Variants in CHCHD6 observed in about 807,000 individuals in gnomAD.
CHCHD6 encodes coiled-coil-helix-coiled-coil-helix domain containing 6, also known as MICOS complex subunit MIC25.
CHCHD6 carries 28 observed loss-of-function variants against 32.3 expected under a neutral mutation model. The ratio of observed to expected loss-of-function variants is 0.87; its 90% confidence interval spans 0.64 to 1.19. The LOEUF is 1.19. Among genes scored for constraint, CHCHD6 ranks in the 50% most tolerant of loss-of-function variants. The pLI is 0.00. For missense variants in CHCHD6, 333 were observed against 307.0 expected (o/e 1.08, Z -0.63); for synonymous variants, 122 against 117.5 (o/e 1.04, Z -0.25).
chr3:126,937,205 G>A (rs1460395178), intron 6 of CHCHD6, among the ~76,000 whole-genome samples: 1 of 152,346 alleles, frequency 6.6e-6, no homozygotes, highest in East Asian at 1.9e-4. Context: ...AAGTGTTCTG[G>A]CTCGAGTCCA....
chr3:126,880,366 A>G (rs978444731), intron 5 of CHCHD6, among the ~76,000 whole-genome samples: 1 of 152,146 alleles, frequency 6.6e-6, no homozygotes, highest in Non-Finnish European at 1.5e-5. Context: ...GAGAAAGACC[A>G]TAGCCAGGCC....
chr3:126,925,776 A>G (rs1308501121), intron 6 of CHCHD6, among the ~76,000 whole-genome samples: 1 of 152,214 alleles, frequency 6.6e-6, no homozygotes, highest in East Asian at 1.9e-4. Context: ...ACCGGGGGCC[A>G]CCATCCACAG....
At chr3:126,710,881 TAAAG>T (rs1934719341) in intron 1 of CHCHD6, among the ~76,000 whole-genome samples, 1 of 151,996 alleles carries the variant, frequency 6.6e-6, no homozygotes, top group East Asian at 1.9e-4. Context: ...TGTTTACAAA[TAAAG>T]ACTGACTTCT....
chr3:126,840,680 A>C (rs973418366), intron 4 of CHCHD6, among the ~76,000 whole-genome samples: 2 of 152,162 alleles, frequency 1.3e-5, no homozygotes, highest in African/African-American at 4.8e-5. Flanking sequence ...TTAAATATTT[A>C]ATAACACTTT....
At chr3:126,764,892 C>CTTCTCCCCTGGACT (rs1489050462) in intron 4 of CHCHD6, among the ~76,000 whole-genome samples, 6 of 152,178 alleles carry the variant, frequency 3.9e-5, no homozygotes, top group Non-Finnish European at 8.8e-5. Flanking sequence ...ACTGATTGAA[C>CTTCTCCCCTGGACT]ACAGAACACG....
chr3:126,908,508 T>A (rs1036556382), intron 5 of CHCHD6, among the ~76,000 whole-genome samples: 2 of 152,242 alleles, frequency 1.3e-5, no homozygotes, highest in Non-Finnish European at 2.9e-5. Flanking sequence ...TCGGATTTTC[T>A]GTAGTGGTTC....
chr3:126,849,075 G>T (rs1941385071), intron 4 of CHCHD6, among the ~76,000 whole-genome samples: 1 of 152,210 alleles, frequency 6.6e-6, no homozygotes, highest in African/African-American at 2.4e-5. Context: ...TGTGGTCCAG[G>T]GGCGGGATCT....
At chr3:126,938,599 A>G (rs2078516152) in intron 6 of CHCHD6, among the ~76,000 whole-genome samples, 1 of 152,208 alleles carries the variant, frequency 6.6e-6, no homozygotes, top group Admixed American at 6.5e-5. Flanking sequence ...ACTGGTGCCA[A>G]TAAGGTTTTA....
intron 6 of CHCHD6, among the ~76,000 whole-genome samples, chr3:126,953,494 T>A (rs2078744320): frequency 6.6e-6 from 1 of 152,168 alleles, no homozygotes; most frequent in South Asian, 2.1e-4. Flanking sequence ...ACCCAGCCTT[T>A]CTGCAAGCTC....
intron 4 of CHCHD6, among the ~76,000 whole-genome samples, chr3:126,820,795 C>T (rs1270774010): frequency 6.6e-6 from 1 of 152,152 alleles, no homozygotes; most frequent in Admixed American, 6.5e-5. Flanking sequence ...TAATGTACTC[C>T]ACATTCCTAC....
chr3:126,924,449 C>T (rs200149388), intron 6 of CHCHD6, among the ~76,000 whole-genome samples: 1 of 152,164 alleles, frequency 6.6e-6, no homozygotes, highest in Non-Finnish European at 1.5e-5. Flanking sequence ...TAAAAATTAA[C>T]AAGACTACAA....
intron 4 of CHCHD6, among the ~76,000 whole-genome samples, chr3:126,811,963 T>G (rs28425593): frequency 1.3e-5 from 2 of 152,208 alleles, no homozygotes; most frequent in Non-Finnish European, 2.9e-5. Flanking sequence ...CTTGCAGATA[T>G]TTGCAAATGA....
chr3:126,825,670 T>G (rs977171139), intron 4 of CHCHD6, among the ~76,000 whole-genome samples: 1 of 152,250 alleles, frequency 6.6e-6, no homozygotes, highest in Non-Finnish European at 1.5e-5. Flanking sequence ...CTAGTGATAC[T>G]TCTTCCCTTA....
chr3:126,865,509 A>G, intron 5 of CHCHD6: 1 of 951,040 alleles, frequency 1.1e-6, no homozygotes. Context: ...CACCACCACC[A>G]CCATCTCCAC....
intron 3 of CHCHD6, among the ~76,000 whole-genome samples, chr3:126,731,253 T>G (rs994189161): frequency 3.3e-5 from 5 of 152,086 alleles, no homozygotes; most frequent in African/African-American, 1.2e-4. Flanking sequence ...GTTGTCCAGA[T>G]GAACTGGCTC....
intron 5 of CHCHD6, chr3:126,865,544 CGTCCACT>C (rs542836668): frequency 2.0e-6 from 2 of 984,620 alleles, no homozygotes; most frequent in African/African-American, 3.5e-5. Context: ...TCCTCCTCCA[CGTCCACT>C]TGCACTTCTG....
intron 6 of CHCHD6, among the ~76,000 whole-genome samples, chr3:126,919,621 A>ATTTTTT: frequency 7.9e-6 from 1 of 127,186 alleles, no homozygotes; most frequent in Middle Eastern, 4.4e-3. Flanking sequence ...GCTGGCCTTC[A>ATTTTTT]TTTTTTTTTT....
chr3:126,783,402 C>T (rs550724867), intron 4 of CHCHD6, among the ~76,000 whole-genome samples: 2 of 152,286 alleles, frequency 1.3e-5, no homozygotes, highest in African/African-American at 2.4e-5. Flanking sequence ...AACAAGGGTG[C>T]CCACTCTTGC....
chr3:126,711,300 C>T (rs1035450245), intron 1 of CHCHD6, among the ~76,000 whole-genome samples: 1 of 152,210 alleles, frequency 6.6e-6, no homozygotes, highest in Non-Finnish European at 1.5e-5. Context: ...CTTATTCTTC[C>T]AGGCTTTAAC....
Sources: gnomAD v4.1 joint callset for allele counts (sites outside exome capture counted in the v4.1 genomes callset) on GRCh38, gnomAD v4.1.1 for gene constraint, MANE v1.5 for transcripts, NCBI Gene and HGNC (gene_info 2026-07-23, HGNC 2026-07-21) for gene names.